The following NFILZ variants were observed in gnomAD, a reference collection of about 807,000 sequenced individuals.
NFILZ encodes the protein NFIL3 like basic leucine zipper, also known as NFIL3 like protein.
intron 3 of NFILZ, among the ~76,000 whole-genome samples, chr19:8,667,616 C>T (rs541609847): frequency 3.3e-5 from 5 of 152,182 alleles, no homozygotes; most frequent in East Asian, 3.9e-4. Context: ...GGTGCGATCT[C>T]GGCTCACTGC....
At chr19:8,656,467 G>GCCCACCTTCTCCCTGAAT (rs2043002056) in intron 3 of NFILZ, among the ~76,000 whole-genome samples, 1 of 37,176 alleles carries the variant, frequency 2.7e-5, no homozygotes, top group South Asian at 8.1e-4. Context: ...TCTCTCTGAA[G>GCCCACCTTCTCCCTGAAT]CCCACCTTCT....
chr19:8,637,299 C>T lies in NFILZ; in HGVS notation c.-164+1553C>T, dbSNP rs2042898906. ...GGCAGAGATTGTAGTGAGCTGAGAT[C>T]ACACCACTGCACTCCAGCCTGGGCA... On this transcript the variant is annotated intron_variant, in intron 3 of 5. Transcript: ENST00000691075. Among the ~76,000 whole-genome samples, 5 of 151,962 alleles carry T rather than the reference C, an allele frequency of 3.3e-5. No homozygotes were observed. In the South Asian group the frequency reaches 1.0e-3, roughly 32 times the overall value.
intron 4 of NFILZ, among the ~76,000 whole-genome samples, 197 bp downstream of exon 4, chr19:8,674,797 T>C (rs1469628369): frequency 1.3e-5 from 2 of 152,110 alleles, no homozygotes; most frequent in Non-Finnish European, 2.9e-5. Flanking sequence ...CACATAACCA[T>C]GTAGCAACAG....
At chr19:8,653,005 TTCCTTC>T (rs1600145548) in intron 3 of NFILZ, among the ~76,000 whole-genome samples, 1,881 of 26,110 alleles carry the variant, frequency 0.072, 31 homozygotes, top group Non-Finnish European at 0.091. Flanking sequence ...CCTTCCTTCC[TTCCTTC>T]CTTTCTTTCT....
At chr19:8,635,080 C>T (rs369751062) in intron 2 of NFILZ, among the ~76,000 whole-genome samples, 19 of 151,966 alleles carry the variant, frequency 1.3e-4, no homozygotes, top group African/African-American at 2.2e-4. Flanking sequence ...GAGGCTGAGG[C>T]GGGTGGATCA....
intron 3 of NFILZ, among the ~76,000 whole-genome samples, chr19:8,657,519 T>C (rs1225763569): frequency 6.6e-6 from 1 of 151,244 alleles, no homozygotes; most frequent in Non-Finnish European, 1.5e-5. Context: ...TGCTAAGGGG[T>C]TGGGAGTATT....
intron 3 of NFILZ, among the ~76,000 whole-genome samples, chr19:8,650,653 C>CAA (rs201551767): frequency 1.1e-4 from 12 of 108,334 alleles, no homozygotes; most frequent in African/African-American, 3.4e-4. Flanking sequence ...GATTCTGTCT[C>CAA]AAAAAAAAAA....
At chr19:8,637,420 C>T (rs1180936701) in intron 3 of NFILZ, among the ~76,000 whole-genome samples, 1 of 152,080 alleles carries the variant, frequency 6.6e-6, no homozygotes, top group East Asian at 1.9e-4. Context: ...CGAGACCAGC[C>T]TGACCAACAT....
chr19:8,644,957 G>A (rs1325241720), intron 3 of NFILZ, among the ~76,000 whole-genome samples: 2 of 151,812 alleles, frequency 1.3e-5, no homozygotes, highest in African/African-American at 2.4e-5. Flanking sequence ...TAGAGATGGG[G>A]TTTCGCCATG....
intron 3 of NFILZ, among the ~76,000 whole-genome samples, chr19:8,665,564 C>T (rs1182274956): frequency 1.3e-5 from 2 of 152,120 alleles, no homozygotes; most frequent in Non-Finnish European, 2.9e-5. Flanking sequence ...TGGTCTCCAG[C>T]TCCTGGCTTC....
chr19:8,678,151 G>GTCCATCCA lies in NFILZ; in HGVS notation c.*548_*555dup, dbSNP rs370262582. Among the ~76,000 whole-genome samples the GTCCATCCA allele has an allele frequency of 0.044, 2,146 of 48,712 alleles. 72 individuals carry two copies. Among genetic ancestry groups the GTCCATCCA allele is most frequent in the Middle Eastern group, 0.11 (7 of 66 alleles). 32.0% of individuals were successfully genotyped at this position (48,712 alleles called of 152,430 possible). ...CCTCCATCCATTCATCCACTTGTCC[G>GTCCATCCA]TCCATCCATCCATCCATCCATCCAT... is the stretch of plus-strand genomic sequence containing the variant. On this transcript the variant is annotated 3_prime_UTR_variant, in exon 6 of 6. Transcript: ENST00000691075.
chr19:8,655,917 G>C (rs1041841274), intron 3 of NFILZ, among the ~76,000 whole-genome samples: 5 of 151,972 alleles, frequency 3.3e-5, no homozygotes, highest in African/African-American at 1.2e-4. Flanking sequence ...GGTTCAGGGG[G>C]GGTCTCTGTC....
chr19:8,649,107 C>T (rs1568419704), intron 3 of NFILZ, among the ~76,000 whole-genome samples: 1 of 149,670 alleles, frequency 6.7e-6, no homozygotes, highest in Non-Finnish European at 1.5e-5. Context: ...GGACCACAGG[C>T]AGGCACCACC....
chr19:8,661,793 G>A (rs1051494791), intron 3 of NFILZ, among the ~76,000 whole-genome samples: 1 of 152,156 alleles, frequency 6.6e-6, no homozygotes, highest in Non-Finnish European at 1.5e-5. Context: ...CCGGGAGGCT[G>A]AGGCAGGAGA....
intron 2 of NFILZ, among the ~76,000 whole-genome samples, chr19:8,635,321 A>G (rs1210351867): frequency 3.1e-5 from 1 of 31,948 alleles, no homozygotes; most frequent in African/African-American, 8.0e-5. Context: ...AAAAAAAAAA[A>G]ATTAAAAAAA....
rs569504202 is a variant in NFILZ at position 8,680,014 on chromosome 19, G to C, written c.*2379G>C. 6.6e-6 allele frequency among the ~76,000 whole-genome samples: 1 copy of C among 151,912 alleles called. No individual in the cohort carries two copies. The highest frequency in any genetic ancestry group is 2.1e-4 in the South Asian group (1 of 4,812). ...AGTTCGAGACCAGCCTGGCCAACAT[G>C]ATGAAGCCCCGTCTCTAGTAAAAAT... On this transcript the variant is annotated 3_prime_UTR_variant, in exon 6 of 6. Transcript: ENST00000691075.
intron 3 of NFILZ, among the ~76,000 whole-genome samples, chr19:8,638,319 C>T (rs528187516): frequency 2.0e-5 from 3 of 152,226 alleles, no homozygotes; most frequent in South Asian, 4.1e-4. Context: ...GTGCGTTAGC[C>T]GCTGTGTGCA....
At chr19:8,639,130 C>A (rs1460657209) in intron 3 of NFILZ, among the ~76,000 whole-genome samples, 2 of 152,164 alleles carry the variant, frequency 1.3e-5, no homozygotes, top group African/African-American at 4.8e-5. Context: ...AGGTGTCAGC[C>A]ACTGAGCCCG....
intron 3 of NFILZ, among the ~76,000 whole-genome samples, chr19:8,657,894 A>C (rs1600148724): frequency 6.6e-6 from 1 of 152,032 alleles, no homozygotes. Context: ...GGTCTCAGAG[A>C]CCACACCCCA....
Sources: gnomAD v4.1 joint callset for allele counts (sites outside exome capture counted in the v4.1 genomes callset) on GRCh38, gnomAD v4.1.1 for gene constraint, MANE v1.5 for transcripts, NCBI Gene and HGNC (gene_info 2026-07-23, HGNC 2026-07-21) for gene names.